ANGPT2: variants seen among roughly 807,000 people sequenced by gnomAD.
ANGPT2 encodes angiopoietin 2.
ANGPT2 carries 28 observed loss-of-function variants against 62.9 expected under a neutral mutation model. The ratio of observed to expected loss-of-function variants is 0.44; its 90% CI spans 0.33 to 0.61. ANGPT2 has a LOEUF of 0.61. Among genes scored for constraint, ANGPT2 ranks in the 20% least tolerant of loss-of-function variants. The probability of loss-of-function intolerance (pLI) is 0.03; values close to 1 mark genes in which losing one functional copy is unlikely to be tolerated. For missense variants in ANGPT2, 727 were observed against 594.9 expected (o/e 1.22, Z -2.31); for synonymous variants, 284 against 207.8 (o/e 1.37, Z -3.15).
chr8:6,515,509 A>C (rs1490219879), intron 5 of ANGPT2, among the ~76,000 whole-genome samples: 1 of 152,154 alleles, frequency 6.6e-6, no homozygotes, highest in Non-Finnish European at 1.5e-5. Context: ...TCTGCTCTTA[A>C]ACTGGCTCTG....
chr8:6,502,493 A>T lies in ANGPT2; in HGVS notation c.*608T>A, dbSNP rs1812386701. ...ATAACTAAGCTGTCAACATAAATGT[A>T]AATACGCTGTTTTTGAAATAAAAAT... is the stretch of plus-strand genomic sequence containing the variant. On this transcript the variant is annotated 3_prime_UTR_variant, in exon 9 of 9. Transcript: ENST00000629816. 1 of 152,238 alleles carries T rather than the reference A, an allele frequency of 6.6e-6. No individual in the cohort carries two copies. The highest frequency in any genetic ancestry group is 6.5e-5 in the Admixed American group (1 of 15,284). The allele number at this position is 152,238 out of a possible 1,614,324, so 9.4% of individuals were successfully genotyped here.
intron 1 of ANGPT2, among the ~76,000 whole-genome samples, chr8:6,560,141 G>C (rs1245944739): frequency 6.6e-6 from 1 of 152,186 alleles, no homozygotes; most frequent in Non-Finnish European, 1.5e-5. Flanking sequence ...TTTCCTAAAA[G>C]TGTACGGATT....
chr8:6,503,514 G>T (rs922350464), intron 8 of ANGPT2, among the ~76,000 whole-genome samples: 1 of 152,152 alleles, frequency 6.6e-6, no homozygotes, highest in African/African-American at 2.4e-5. Flanking sequence ...GTGTGGAGAG[G>T]CCTGAATTCT....
chr8:6,541,854 A>T (rs1024348829), intron 1 of ANGPT2, among the ~76,000 whole-genome samples: 5 of 152,054 alleles, frequency 3.3e-5, no homozygotes, highest in Admixed American at 2.6e-4. Context: ...AAATTTTTTT[A>T]AAAATTAGCT....
intron 2 of ANGPT2, among the ~76,000 whole-genome samples, chr8:6,528,229 G>C (rs924561619): frequency 1.3e-5 from 2 of 152,154 alleles, no homozygotes; most frequent in Non-Finnish European, 2.9e-5. Flanking sequence ...GTGGTTAGTA[G>C]TTCTGGACAA....
At chr8:6,504,233 G>C (rs1343962085) in intron 8 of ANGPT2, among the ~76,000 whole-genome samples, 1 of 150,364 alleles carries the variant, frequency 6.7e-6, no homozygotes, top group African/African-American at 2.4e-5. Context: ...CAGGAGAATG[G>C]CGTGAACCCG....
chr8:6,512,864 G>T (rs925656543), intron 7 of ANGPT2, among the ~76,000 whole-genome samples: 2 of 152,212 alleles, frequency 1.3e-5, no homozygotes, highest in Non-Finnish European at 2.9e-5. Flanking sequence ...TTCCTGTAGA[G>T]GAGAGCAGAG....
At chr8:6,538,020 A>G (rs1820816121) in intron 1 of ANGPT2, among the ~76,000 whole-genome samples, 1 of 152,174 alleles carries the variant, frequency 6.6e-6, no homozygotes. Context: ...ATTAACAAAT[A>G]ATTTGAGATT....
chr8:6,512,314 G>T (rs1815319980), intron 7 of ANGPT2, among the ~76,000 whole-genome samples: 1 of 152,094 alleles, frequency 6.6e-6, no homozygotes, highest in Admixed American at 6.6e-5. Context: ...ATCCTCCCCT[G>T]GGCAGCCTGC....
At chr8:6,522,723 G>C (rs1817597182) in intron 3 of ANGPT2, among the ~76,000 whole-genome samples, 1 of 151,342 alleles carries the variant, frequency 6.6e-6, no homozygotes, top group Non-Finnish European at 1.5e-5. Context: ...GCAGTGAGCT[G>C]AGATTATGCC....
At chr8:6,536,250 T>A (rs555249637) in intron 1 of ANGPT2, among the ~76,000 whole-genome samples, 20 of 152,176 alleles carry the variant, frequency 1.3e-4, no homozygotes, top group Non-Finnish European at 2.6e-4. Context: ...TACTGTTTCT[T>A]GGTTGCCGGC....
rs745494202 is a variant in ANGPT2, at chr8:6,527,602, C to A, written c.519G>T (p.Gln173His). 5.0e-6 allele frequency: 8 copies of A among 1,613,866 alleles called. No homozygotes were observed. The highest frequency in any genetic ancestry group is 6.8e-6 in the Non-Finnish European group (8 of 1,179,954). Residue 173 changes from glutamine to histidine, a missense_variant, in exon 3 of 9, where the codon CAG becomes CAT. Coordinates refer to ENST00000629816, the MANE Select transcript of ANGPT2 (RefSeq NM_001118887.2). ...HSLSTNKLEK[Q>H]ILDQTSEINK... ...TTATTTCACTGGTCTGGTCCAAAAT[C>A]TGTTTTTCCAATTTGTTTGTCGAGA...
chr8:6,532,267 C>A, intron 2 of ANGPT2, 65 bp downstream of exon 2: 1 of 1,590,212 alleles, frequency 6.3e-7, no homozygotes, highest in Non-Finnish European at 8.6e-7. Flanking sequence ...GAGGAAGCTC[C>A]TGACGCGACT....
intron 3 of ANGPT2, among the ~76,000 whole-genome samples, chr8:6,522,110 C>G (rs535292566): frequency 1.3e-4 from 20 of 152,308 alleles, no homozygotes; most frequent in African/African-American, 4.8e-4. Flanking sequence ...AATCCCAGCA[C>G]TTTGGGAGGC....
rs758276021 is a variant in ANGPT2, at chr8:6,502,449, C to T, written c.*652G>A. ...GTTTCTACCATATAAATTTGAAATACGTATTTGAGCATTAACTTATAACTA... is the reference window on the plus strand; with the variant it reads ...GTTTCTACCATATAAATTTGAAATATGTATTTGAGCATTAACTTATAACTA... On this transcript the variant is annotated 3_prime_UTR_variant, in exon 9 of 9. Transcript: ENST00000629816. 7 of 152,084 alleles carry T rather than the reference C, an allele frequency of 4.6e-5. No individual in the cohort carries two copies. The highest frequency in any genetic ancestry group is 1.9e-4 in the East Asian group (1 of 5,194). 9.4% of individuals were successfully genotyped at this position (152,084 alleles called of 1,614,324 possible).
intron 1 of ANGPT2, among the ~76,000 whole-genome samples, chr8:6,551,229 ATT>A (rs10708602): frequency 6.7e-6 from 1 of 150,304 alleles, no homozygotes; most frequent in East Asian, 2.0e-4. Context: ...CTTATTCGTG[ATT>A]TTTTTTTTCT....
In ANGPT2 at chr8:6,532,365, C is replaced by T. The variant is rs1460353319; in HGVS notation, c.411G>A (p.Glu137=). Residue 137 remains glutamate, a synonymous_variant, in exon 2 of 9, where the codon GAG becomes GAA. Coordinates refer to ENST00000629816, the MANE Select transcript of ANGPT2 (RefSeq NM_001118887.2). ...CCACATCAGTTAACTTCCGCGTTTG[C>T]TCCGCTGTTTGGTTCAACAGGTTTG... ...IGTNLLNQTA[E]QTRKLTDVEA... 1.2e-6 allele frequency: 2 copies of T among 1,614,124 alleles called. No individual in the cohort carries two copies. The highest frequency in any genetic ancestry group is 1.3e-5 in the African/African-American group (1 of 75,038).
intron 1 of ANGPT2, among the ~76,000 whole-genome samples, chr8:6,554,781 A>G (rs371010540): frequency 1.3e-5 from 2 of 152,140 alleles, no homozygotes; most frequent in Admixed American, 6.5e-5. Context: ...ACAGGTTTCA[A>G]TCAGGTTCTA....
chr8:6,522,511 C>T (rs908677429), intron 3 of ANGPT2, among the ~76,000 whole-genome samples: 2 of 152,130 alleles, frequency 1.3e-5, no homozygotes, highest in African/African-American at 2.4e-5. Context: ...CAGTGGCTCA[C>T]ACCTATAATC....
Sources: gnomAD v4.1 joint callset for allele counts (sites outside exome capture counted in the v4.1 genomes callset) on GRCh38, gnomAD v4.1.1 for gene constraint, MANE v1.5 for transcripts, NCBI Gene and HGNC (gene_info 2026-07-23, HGNC 2026-07-21) for gene names.